The following KANK1 variants were observed in gnomAD, a reference collection of about 807,000 sequenced individuals.
KANK1 encodes the protein KN motif and ankyrin repeat domains 1.
KANK1 carries 109 observed loss-of-function variants against 106.2 expected under a neutral mutation model. The ratio of observed to expected loss-of-function variants is 1.03; its 90% CI spans 0.88 to 1.20. KANK1 has a LOEUF of 1.20. Among genes scored for constraint, KANK1 ranks in the 50% most tolerant of loss-of-function variants. The pLI is 0.00. For synonymous variants in KANK1, 873 were observed against 652.2 expected (o/e 1.34, Z -5.16); for missense variants, 2,399 against 1,710.7 (o/e 1.40, Z -7.10).
chr9:723,773 A>G (rs7022766), intron 3 of KANK1, among the ~76,000 whole-genome samples: 83,470 of 151,894 alleles, frequency 0.55, 24,312 homozygotes, highest in Middle Eastern at 0.68. Context: ...ATTCTGATGC[A>G]AACACCCTAT....
At chr9:714,206 A>G (rs1040907963) in intron 3 of KANK1, among the ~76,000 whole-genome samples, 94 of 152,294 alleles carry the variant, frequency 6.2e-4, no homozygotes, top group Non-Finnish European at 3.2e-4. Context: ...GGTGGGGTGC[A>G]GGATATAGAC....
At chr9:538,386 A>C (rs1465198484) in intron 1 of KANK1, among the ~76,000 whole-genome samples, 1 of 152,194 alleles carries the variant, frequency 6.6e-6, no homozygotes, top group African/African-American at 2.4e-5. Context: ...CACATTTCAG[A>C]ATTGTTATCA....
intron 1 of KANK1, among the ~76,000 whole-genome samples, chr9:664,117 C>G (rs1041245738): frequency 6.6e-6 from 1 of 152,120 alleles, no homozygotes; most frequent in Non-Finnish European, 1.5e-5. Flanking sequence ...GAGATCTTTA[C>G]ACTTGATTAA....
chr9:515,727 G>C (rs868741096), intron 1 of KANK1, among the ~76,000 whole-genome samples: 6 of 151,770 alleles, frequency 4.0e-5, no homozygotes, highest in African/African-American at 1.5e-4. Context: ...GAAAACTTGA[G>C]ATCCTGATGC....
intron 3 of KANK1, among the ~76,000 whole-genome samples, chr9:715,248 A>C (rs1217194844): frequency 2.0e-5 from 3 of 152,194 alleles, no homozygotes; most frequent in Non-Finnish European, 4.4e-5. Flanking sequence ...AAACAGGATT[A>C]AAAATGATCT....
intron 1 of KANK1, among the ~76,000 whole-genome samples, chr9:643,542 G>GTTTTTTTTTTTTTTTTT (rs1491477473): frequency 9.6e-6 from 1 of 104,574 alleles, no homozygotes; most frequent in Non-Finnish European, 1.9e-5. Context: ...TTTTCTTTTT[G>GTTTTTTTTTTTTTTTTT]ATTTTTTTTT....
intron 3 of KANK1, chr9:477,718 G>A (rs2058130422): frequency 6.6e-6 from 1 of 152,246 alleles, no homozygotes; most frequent in South Asian, 2.1e-4. Context: ...CTCAGCAAAA[G>A]GGACCCCCAC....
rs115612705 is a variant in KANK1 at position 712,424 on chromosome 9, C to G, written c.1658C>G (p.Pro553Arg). The stretch of plus-strand genomic sequence containing the variant: ...AACAGTGTAGGCATCTCCTGCCAGC[C>G]TGAATGTAAGAATAAAGTCGTAGGG... ...ETNSVGISCQ[P>R]ECKNKVVGPE... The change falls in exon 3 of 12, where the codon CCT (proline) becomes CGT (arginine). Residue 553 changes from proline to arginine, a missense_variant. Physicochemically the swap from Pro to Arg is moderately radical, Grantham distance 103 (BLOSUM62 -2). Coordinates refer to ENST00000382297, the MANE Select transcript of KANK1 (RefSeq NM_015158.5). The G allele has an allele frequency of 9.9e-6, 16 of 1,614,152 alleles. No homozygotes were observed. In the African/African-American group the frequency reaches 1.5e-4, roughly 15 times the overall value.
At chr9:735,643 A>C in intron 7 of KANK1, 2 of 300,826 alleles carry the variant, frequency 6.6e-6, no homozygotes, top group South Asian at 6.0e-5. Context: ...ATTTGCATAT[A>C]AACTATGCAT....
rs957949056 is a variant in KANK1, at chr9:745,366, T to TAA, written c.*133_*134dup. On this transcript the variant is annotated 3_prime_UTR_variant, in exon 12 of 12. Coordinates refer to ENST00000382297, the MANE Select transcript of KANK1 (RefSeq NM_015158.5). ...CAAACAGAAGCATCAAGCCCAGGGG[T>TAA]AAAGGCTGAAGCTTTCACAGTGCAG... The TAA allele has an allele frequency of 9.9e-5, 117 of 1,180,552 alleles. 1 individual carries two copies. In the Admixed American group the frequency reaches 2.1e-3, roughly 21 times the overall value. The allele number at this position is 1,180,552 out of a possible 1,614,324, so 73.1% of individuals were successfully genotyped here.
chr9:607,812 A>C (rs990511595), intron 1 of KANK1, among the ~76,000 whole-genome samples: 1 of 151,652 alleles, frequency 6.6e-6, no homozygotes, highest in African/African-American at 2.4e-5. Context: ...CAAAGAAAAA[A>C]AGCGCCGAAA....
At chr9:716,892 C>G (rs1215759014) in intron 3 of KANK1, among the ~76,000 whole-genome samples, 1 of 151,928 alleles carries the variant, frequency 6.6e-6, no homozygotes, top group Non-Finnish European at 1.5e-5. Flanking sequence ...GTAGGATGAT[C>G]TCTTGAGCCC....
Position 740,856 on chromosome 9 carries a change from C to G in KANK1, c.3618C>G (p.Ala1206=). Residue 1206 remains alanine, a synonymous_variant, in exon 9 of 12, where the codon GCC becomes GCG. Transcript: ENST00000382297. ...GYTPIMLAAL[A]AVEAEKDMRI... Reference sequence around the variant, plus strand: ...CCCCCATCATGTTGGCGGCCCTCGCCGCTGTGGAAGCAGAGAAGGACATGC... The same window carrying G: ...CCCCCATCATGTTGGCGGCCCTCGCGGCTGTGGAAGCAGAGAAGGACATGC... The G allele has an allele frequency of 1.2e-6, 2 of 1,614,124 alleles. No homozygotes were observed. Among genetic ancestry groups the G allele is most frequent in the South Asian group, 2.2e-5 (2 of 91,078 alleles).
intron 3 of KANK1, among the ~76,000 whole-genome samples, chr9:716,712 G>A (rs899417416): frequency 6.6e-6 from 1 of 152,124 alleles, no homozygotes; most frequent in Non-Finnish European, 1.5e-5. Context: ...GCATCATAAT[G>A]CTTAACACTA....
intron 1 of KANK1, among the ~76,000 whole-genome samples, chr9:658,233 A>G (rs1842560201): frequency 6.6e-6 from 1 of 152,144 alleles, no homozygotes; most frequent in Non-Finnish European, 1.5e-5. Flanking sequence ...TGCATAAACA[A>G]AACACTTAAA....
intron 3 of KANK1, among the ~76,000 whole-genome samples, chr9:487,385 A>C (rs1359412572): frequency 6.6e-6 from 1 of 152,236 alleles, no homozygotes; most frequent in Non-Finnish European, 1.5e-5. Context: ...CTGTAGGCTA[A>C]GGTAAATGTT....
In KANK1 at chr9:711,021, A is replaced by G. The variant is rs143368107; in HGVS notation, c.255A>G (p.Ile85Met). The G allele has an allele frequency of 9.9e-5, 159 of 1,614,100 alleles. No individual in the cohort carries two copies. Among genetic ancestry groups the G allele is most frequent in the Non-Finnish European group, 1.2e-4 (147 of 1,180,044 alleles). ...GGACCACATCTGGTCAGCAAGGTAT[A>G]TGGACTTCCACTGAATCCCTCTCAT... is the stretch of plus-strand genomic sequence containing the variant. ...EPRTTSGQQG[I>M]WTSTESLSSS... Residue 85 changes from isoleucine (I) to methionine (M), a missense_variant, in exon 3 of 12, where the codon ATA (isoleucine) becomes ATG (methionine). Transcript: ENST00000382297.
chr9:732,794 C>CT, intron 6 of KANK1, 177 bp downstream of exon 6: 1 of 613,428 alleles, frequency 1.6e-6, no homozygotes, highest in East Asian at 2.9e-5. Context: ...TCTTAGATCT[C>CT]TTATGGTAGA....
At chr9:687,237 C>T (rs376678349) in intron 2 of KANK1, among the ~76,000 whole-genome samples, 2 of 152,074 alleles carry the variant, frequency 1.3e-5, no homozygotes, top group African/African-American at 4.8e-5. Flanking sequence ...CCCGAGGCTG[C>T]GAGCATTGGT....
Sources: gnomAD v4.1 joint callset for allele counts (sites outside exome capture counted in the v4.1 genomes callset) on GRCh38, gnomAD v4.1.1 for gene constraint, MANE v1.5 for transcripts, NCBI Gene and HGNC (gene_info 2026-07-23, HGNC 2026-07-21) for gene names.